Variants in DLGAP2 observed in about 807,000 individuals in gnomAD.
The protein encoded by DLGAP2 is DLG associated protein 2.
DLGAP2 carries 26 observed loss-of-function variants against 100.3 expected under a neutral mutation model. The observed-to-expected ratio is 0.26, with a 90% CI of 0.19 to 0.36. The LOEUF (loss-of-function observed/expected upper bound fraction) is 0.36, where lower values mean the gene tolerates loss of function less well. Among genes scored for constraint, DLGAP2 ranks in the 10% least tolerant of loss-of-function variants. The pLI, the probability that DLGAP2 is intolerant of heterozygous loss-of-function variation, is 1.00. For synonymous variants in DLGAP2, 886 were observed against 630.1 expected (o/e 1.41, Z -6.08); for missense variants, 1,858 against 1,453.2 (o/e 1.28, Z -4.53).
chr8:1,515,254 C>G (rs1275073286), intron 4 of DLGAP2, among the ~76,000 whole-genome samples: 4 of 152,124 alleles, frequency 2.6e-5, no homozygotes, highest in Non-Finnish European at 5.9e-5. Context: ...AGGTGTCTTT[C>G]TTTCTTTTGA....
intron 2 of DLGAP2, among the ~76,000 whole-genome samples, chr8:945,685 T>G (rs1365370801): frequency 1.3e-5 from 2 of 152,136 alleles, no homozygotes; most frequent in African/African-American, 4.8e-5. Flanking sequence ...GAACATTGAG[T>G]CATTTCTTTA....
intron 2 of DLGAP2, among the ~76,000 whole-genome samples, chr8:1,190,873 T>A: frequency 6.6e-6 from 1 of 151,938 alleles, no homozygotes; most frequent in East Asian, 1.9e-4. Flanking sequence ...AAGCGTGGGG[T>A]CTGTGGCCGT....
rs375137062 is a variant in DLGAP2, at chr8:1,130,055, T to C, written c.74-128796T>C. ...GCACTTCACACAAGTTAAGGGATCA[T>C]GTCGGGCACTTCACGTGGGTTAAGG... On this transcript the variant is annotated intron_variant, in intron 2 of 14. Transcript: ENST00000637795. Among the ~76,000 whole-genome samples, 6 of 151,916 alleles carry C rather than the reference T, an allele frequency of 3.9e-5. No individual in the cohort carries two copies. In the East Asian group the frequency reaches 1.2e-3, roughly 29 times the overall value.
At chr8:1,455,636 C>G (rs1432570593) in intron 3 of DLGAP2, among the ~76,000 whole-genome samples, 1 of 152,212 alleles carries the variant, frequency 6.6e-6, no homozygotes, top group Non-Finnish European at 1.5e-5. Flanking sequence ...CTGTCTCAGC[C>G]CAGGGCCAGT....
chr8:1,270,098 T>C (rs1799549205), intron 3 of DLGAP2, among the ~76,000 whole-genome samples: 1 of 152,138 alleles, frequency 6.6e-6, no homozygotes, highest in Admixed American at 6.5e-5. Context: ...CTGACCATGA[T>C]GCAAAACTTT....
In DLGAP2 at chr8:1,351,209, G is replaced by A. The variant is rs1407612125; in HGVS notation, c.106+92326G>A. On this transcript the variant is annotated intron_variant, in intron 3 of 14. Coordinates refer to ENST00000637795, the MANE Select transcript of DLGAP2 (RefSeq NM_001346810.2). Reference sequence around the variant, plus strand: ...CTGAGTGTGTGTGGAAACACCGTGCGGGTCCTGACTGTGTGTGGAAAGGCC... The same window carrying A: ...CTGAGTGTGTGTGGAAACACCGTGCAGGTCCTGACTGTGTGTGGAAAGGCC... 4.0e-5 allele frequency among the ~76,000 whole-genome samples: 2 copies of A among 50,458 alleles called. 1 individual carries two copies. Among genetic ancestry groups the A allele is most frequent in the African/African-American group, 1.6e-4 (2 of 12,878 alleles). 33.1% of individuals were successfully genotyped at this position (50,458 alleles called of 152,430 possible).
intron 2 of DLGAP2, among the ~76,000 whole-genome samples, chr8:1,233,436 G>T (rs570361218): frequency 6.6e-6 from 1 of 152,206 alleles, no homozygotes; most frequent in Non-Finnish European, 1.5e-5. Context: ...TATTGCAAAC[G>T]TCCTGCCTAC....
intron 3 of DLGAP2, among the ~76,000 whole-genome samples, chr8:1,463,394 C>T (rs1008324578): frequency 2.0e-5 from 3 of 152,192 alleles, no homozygotes; most frequent in Non-Finnish European, 4.4e-5. Context: ...CAGAGAAAGC[C>T]ACTCAGAGAG....
At chr8:1,255,969 T>TG (rs1799198358) in intron 2 of DLGAP2, among the ~76,000 whole-genome samples, 1 of 106,564 alleles carries the variant, frequency 9.4e-6, no homozygotes, top group African/African-American at 4.3e-5. Context: ...TGCCCTCTCA[T>TG]CCTGCGTGGG....
At chr8:1,117,655 A>T (rs926087870) in intron 2 of DLGAP2, among the ~76,000 whole-genome samples, 3 of 152,172 alleles carry the variant, frequency 2.0e-5, no homozygotes, top group Admixed American at 2.0e-4. Context: ...TGGCCTTTTC[A>T]TTCTTACCCT....
chr8:813,297 G>A (rs973231932), intron 1 of DLGAP2, among the ~76,000 whole-genome samples: 2 of 151,796 alleles, frequency 1.3e-5, no homozygotes, highest in Non-Finnish European at 2.9e-5. Flanking sequence ...GACATTTTGG[G>A]ATTGTTAGTT....
At chr8:1,673,668 G>A (rs1240059051) in intron 10 of DLGAP2, among the ~76,000 whole-genome samples, 1 of 152,210 alleles carries the variant, frequency 6.6e-6, no homozygotes, top group African/African-American at 2.4e-5. Context: ...CAGGCCTCAG[G>A]CTGAGAGTTT....
At chr8:931,153 G>A (rs1193740263) in intron 2 of DLGAP2, among the ~76,000 whole-genome samples, 1 of 152,160 alleles carries the variant, frequency 6.6e-6, no homozygotes, top group Non-Finnish European at 1.5e-5. Context: ...TGAAGTCCAG[G>A]CACTGAGGCC....
chr8:1,202,475 C>T (rs770541029), intron 2 of DLGAP2, among the ~76,000 whole-genome samples: 1 of 152,110 alleles, frequency 6.6e-6, no homozygotes, highest in Non-Finnish European at 1.5e-5. Context: ...GGAATCATTA[C>T]CCTTTCTGTA....
At chr8:776,770 G>C (rs374656842) in intron 1 of DLGAP2, among the ~76,000 whole-genome samples, 3 of 152,100 alleles carry the variant, frequency 2.0e-5, no homozygotes, top group South Asian at 2.1e-4. Flanking sequence ...TTACTTCCAA[G>C]TATGTGGTCA....
chr8:1,417,424 C>A (rs938823767), intron 3 of DLGAP2, among the ~76,000 whole-genome samples: 1 of 152,190 alleles, frequency 6.6e-6, no homozygotes, highest in Non-Finnish European at 1.5e-5. Flanking sequence ...TTGAAGCAAA[C>A]CTTGTTTTTC....
chr8:1,644,338 G>A (rs1046738580), intron 8 of DLGAP2, among the ~76,000 whole-genome samples: 2 of 152,200 alleles, frequency 1.3e-5, no homozygotes, highest in Admixed American at 6.5e-5. Flanking sequence ...CCTCTGTGGG[G>A]TTGCAAACCC....
intron 6 of DLGAP2, among the ~76,000 whole-genome samples, chr8:1,583,583 G>T (rs1796018173): frequency 2.0e-5 from 3 of 152,170 alleles, no homozygotes; most frequent in African/African-American, 7.2e-5. Flanking sequence ...AATCCATCTA[G>T]AAAGATGAAA....
chr8:1,372,128 G>A (rs1278511186), intron 3 of DLGAP2, among the ~76,000 whole-genome samples: 3 of 152,134 alleles, frequency 2.0e-5, no homozygotes, highest in African/African-American at 7.2e-5. Flanking sequence ...GCCCTCACCT[G>A]CAGGCACCTA....
Sources: allele counts gnomAD v4.1 joint callset (sites outside exome capture counted in the v4.1 genomes callset), GRCh38; gene constraint gnomAD v4.1.1; transcripts MANE v1.5; gene names NCBI Gene and HGNC (gene_info 2026-07-23, HGNC 2026-07-21).